KCNQ1: variants seen among roughly 807,000 people sequenced by gnomAD.
KCNQ1 encodes the protein potassium voltage-gated channel subfamily KQT member 1.
KCNQ1 carries 49 observed loss-of-function variants against 72.4 expected under a neutral mutation model. That is an observed-to-expected ratio of 0.68 (90% CI 0.54 to 0.86). The LOEUF (loss-of-function observed/expected upper bound fraction) is 0.86, where lower values mean the gene tolerates loss of function less well. Ranked by LOEUF, KCNQ1 falls within the 40% of genes least tolerant of loss-of-function variation. The pLI is 0.00. For synonymous variants in KCNQ1, 450 were observed against 412.6 expected, an observed-to-expected ratio of 1.09 and a Z score of -1.10; for missense variants, 790 against 945.1, an observed-to-expected ratio of 0.84 and a Z score of 2.15.
At position 2,477,376 on chromosome 11, in the gene KCNQ1, G is replaced by A. The variant is rs150366289; in HGVS notation, c.386+31892G>A. ...TTTCTGGAAAAGCCTCCAGCCCACG[G>A]TGACCTAGGTTCTTCCCACCATTGA... is the stretch of plus-strand genomic sequence containing the variant. On this transcript the variant is annotated intron_variant, in intron 1 of 15. Transcript: ENST00000155840. The surrounding 1 kb of genome is among the most constrained non-coding windows in gnomAD (Gnocchi z 5.0). 1.2e-3 allele frequency among the ~76,000 whole-genome samples: 187 copies of A among 152,284 alleles called. 1 individual carries two copies. Among genetic ancestry groups the A allele is most frequent in the Middle Eastern group, 6.8e-3 (2 of 294 alleles).
chr11:2,706,460 G>A (rs1850913380), intron 11 of KCNQ1, among the ~76,000 whole-genome samples: 1 of 152,244 alleles, frequency 6.6e-6, no homozygotes, highest in Non-Finnish European at 1.5e-5. Flanking sequence ...CTTGACTGCA[G>A]CCTCACAGGA....
rs914117780 is a variant in KCNQ1 at position 2,675,636 on chromosome 11, G to C, written c.1514+13555G>C. 1.0e-5 allele frequency: 4 copies of C among 398,518 alleles called. No individual in the cohort carries two copies. In the South Asian group the frequency reaches 5.1e-4, roughly 51 times the overall value. 24.7% of individuals were successfully genotyped at this position (398,518 alleles called of 1,614,324 possible). On this transcript the variant is annotated intron_variant, in intron 11 of 15. Coordinates refer to ENST00000155840, the MANE Select transcript of KCNQ1 (RefSeq NM_000218.3). The stretch of plus-strand genomic sequence containing the variant: ...GGTGGAGAGCACCCCTTATTAGAGG[G>C]TGGTTGGGCTCTCTAGGAGCCCGCC...
rs1006113781 is a variant in KCNQ1 at position 2,824,812 on chromosome 11, C to G, written c.1795-22955C>G. Among the ~76,000 whole-genome samples the G allele has an allele frequency of 1.3e-5, 2 of 152,206 alleles. No homozygotes were observed. The highest frequency in any genetic ancestry group is 2.4e-5 in the African/African-American group (1 of 41,458). On this transcript the variant is annotated intron_variant, in intron 15 of 15. Coordinates refer to ENST00000155840, the MANE Select transcript of KCNQ1 (RefSeq NM_000218.3). The surrounding 1 kb of genome is among the most constrained non-coding windows in gnomAD (Gnocchi z 5.9). Reference sequence around the variant, plus strand: ...CACCACAGAGCCATAGAATTCTGTACTTGGCCTGTCTCAGTGCCGTGCCGC... The same window carrying G: ...CACCACAGAGCCATAGAATTCTGTAGTTGGCCTGTCTCAGTGCCGTGCCGC...
At chr11:2,756,077 T>C (rs1846294243) in intron 11 of KCNQ1, among the ~76,000 whole-genome samples, 2 of 152,328 alleles carry the variant, frequency 1.3e-5, no homozygotes, top group Non-Finnish European at 2.9e-5. Context: ...ACATTGCTGA[T>C]GGGAGTGTAC....
intron 1 of KCNQ1, 76 bp downstream of exon 1, chr11:2,445,560 C>A: frequency 6.6e-7 from 1 of 1,517,686 alleles, no homozygotes; most frequent in Non-Finnish European, 8.9e-7. Flanking sequence ...TGTCCCAGCG[C>A]CACCTGCCCC....
chr11:2,572,296 T>C (rs1413053035), intron 5 of KCNQ1, among the ~76,000 whole-genome samples, 187 bp downstream of exon 5: 1 of 152,140 alleles, frequency 6.6e-6, no homozygotes, highest in Non-Finnish European at 1.5e-5. Context: ...GCCTGGATGC[T>C]CCACCCCAGC....
At chr11:2,774,584 T>A (rs1846658481) in intron 12 of KCNQ1, among the ~76,000 whole-genome samples, 1 of 152,208 alleles carries the variant, frequency 6.6e-6, no homozygotes, top group Non-Finnish European at 1.5e-5. Flanking sequence ...TTGGGATTCC[T>A]GGGGTCCAAA....
intron 11 of KCNQ1, chr11:2,693,812 A>G: frequency 7.5e-6 from 3 of 398,848 alleles, no homozygotes; most frequent in Non-Finnish European, 1.3e-5. Context: ...AGGCTGATAA[A>G]GGCACCGGAA....
intron 2 of KCNQ1, among the ~76,000 whole-genome samples, chr11:2,528,924 T>C (rs1276664582): frequency 6.6e-6 from 1 of 152,192 alleles, no homozygotes; most frequent in African/African-American, 2.4e-5. Flanking sequence ...GGAGTCCGTT[T>C]TACCTTTCCT....
chr11:2,699,462 AGAG>A, intron 11 of KCNQ1: 1 of 393,924 alleles, frequency 2.5e-6, no homozygotes, highest in African/African-American at 2.2e-5. Context: ...AGCCGCCGGG[AGAG>A]TGCCGCGCTG....
chr11:2,467,327 G>A (rs1217626451), intron 1 of KCNQ1, among the ~76,000 whole-genome samples: 3 of 152,174 alleles, frequency 2.0e-5, no homozygotes, highest in African/African-American at 4.8e-5. Flanking sequence ...GGGCAGGACT[G>A]GCTTCAACGG....
rs986314840 is a variant in KCNQ1, at chr11:2,764,077, A to G, written c.1515-4767A>G. 2.6e-5 allele frequency among the ~76,000 whole-genome samples: 4 copies of G among 152,188 alleles called. No homozygotes were observed. Among genetic ancestry groups the G allele is most frequent in the African/African-American group, 9.7e-5 (4 of 41,430 alleles). On this transcript the variant is annotated intron_variant, in intron 11 of 15. Coordinates refer to ENST00000155840, the MANE Select transcript of KCNQ1 (RefSeq NM_000218.3). This position sits in a 1 kb window ranked among gnomAD's most constrained non-coding sequence, Gnocchi z 4.8. ...CATACCAGCTGGGACTTTCTGGACA[A>G]TGTGAAATAGAAACGATAACATCCT... is the stretch of plus-strand genomic sequence containing the variant.
At chr11:2,583,737 T>C (rs1848541274) in intron 7 of KCNQ1, among the ~76,000 whole-genome samples, 192 bp downstream of exon 7, 1 of 152,186 alleles carries the variant, frequency 6.6e-6, no homozygotes, top group African/African-American at 2.4e-5. Context: ...CCGTTTGCAG[T>C]CCCCACTGGG....
chr11:2,688,415 G>A, intron 11 of KCNQ1: 1 of 398,748 alleles, frequency 2.5e-6, no homozygotes, highest in Admixed American at 4.4e-5. Flanking sequence ...CTCTGTGTAG[G>A]CACTGGGCCC....
At chr11:2,796,802 C>T (rs1847143333) in intron 15 of KCNQ1, among the ~76,000 whole-genome samples, 1 of 152,232 alleles carries the variant, frequency 6.6e-6, no homozygotes, top group Non-Finnish European at 1.5e-5. Context: ...ACACAAGCCC[C>T]CACTGCTGCG....
rs1189620400 is a variant in KCNQ1 at position 2,698,608 on chromosome 11, C to A, written c.1514+36527C>A. On this transcript the variant is annotated intron_variant, in intron 11 of 15. Transcript: ENST00000155840. The surrounding 1 kb of genome is among the most constrained non-coding windows in gnomAD (Gnocchi z 5.1). ...TAGAGGCAGAACTTCGACTTCAATT[C>A]CTGACTCCCATACCCCACTGAGACC... The A allele has an allele frequency of 3.0e-5, 12 of 398,460 alleles. No individual in the cohort carries two copies. 24.7% of individuals were successfully genotyped at this position (398,460 alleles called of 1,614,324 possible).
chr11:2,614,181 A>G (rs1849024206), intron 10 of KCNQ1: 2 of 398,514 alleles, frequency 5.0e-6, no homozygotes, highest in East Asian at 7.1e-5. Context: ...CCAAGAGGTG[A>G]TTCTCTGAGG....
Position 2,481,526 on chromosome 11 carries a change from C to T in KCNQ1, c.386+36042C>T, listed in dbSNP as rs1163153956. On this transcript the variant is annotated intron_variant, in intron 1 of 15. Coordinates refer to ENST00000155840, the MANE Select transcript of KCNQ1 (RefSeq NM_000218.3). The surrounding 1 kb of genome is among the most constrained non-coding windows in gnomAD (Gnocchi z 4.6). ...CCAACCCCCAGGCCATGAAGCACTA[C>T]CAGTCCATGGCCTGTTAGGAACCAG... Among the ~76,000 whole-genome samples the T allele has an allele frequency of 6.6e-6, 1 of 152,180 alleles. No homozygotes were observed. The highest frequency in any genetic ancestry group is 2.4e-5 in the African/African-American group (1 of 41,436).
At chr11:2,802,232 GC>G (rs1847283364) in intron 15 of KCNQ1, among the ~76,000 whole-genome samples, 1 of 152,222 alleles carries the variant, frequency 6.6e-6, no homozygotes, top group Admixed American at 6.5e-5. Flanking sequence ...TGGTCTGTGA[GC>G]TGTCGCCTCT....
Sources: allele counts gnomAD v4.1 joint callset (sites outside exome capture counted in the v4.1 genomes callset), GRCh38; gene constraint gnomAD v4.1.1; non-coding constraint Gnocchi (gnomAD v3.1); transcripts MANE v1.5; gene names NCBI Gene and HGNC (gene_info 2026-07-23, HGNC 2026-07-21).